The following EYA3 variants were observed in gnomAD, a reference collection of about 807,000 sequenced individuals.
EYA3 encodes the protein protein phosphatase EYA3.
A neutral mutation model predicts 80.0 loss-of-function variants in EYA3; 39 were observed. The observed-to-expected ratio is 0.49, with a 90% CI of 0.38 to 0.64. The LOEUF is 0.64. Among genes scored for constraint, EYA3 ranks in the 30% least tolerant of loss-of-function variants. The pLI, the probability that EYA3 is intolerant of heterozygous loss-of-function variation, is 0.00. For synonymous variants in EYA3, 206 were observed against 232.8 expected, an observed-to-expected ratio of 0.88 and a Z score of 1.05; for missense variants, 523 against 676.1, an observed-to-expected ratio of 0.77 and a Z score of 2.51.
chr1:28,080,410 T>C (rs890887395), intron 1 of EYA3, among the ~76,000 whole-genome samples: 7 of 152,152 alleles, frequency 4.6e-5, no homozygotes, highest in Non-Finnish European at 7.3e-5. Context: ...TGAGCCGTGA[T>C]AGCGTCACTA....
intron 2 of EYA3, among the ~76,000 whole-genome samples, chr1:28,050,836 T>C (rs1378120800): frequency 2.6e-5 from 4 of 152,156 alleles, no homozygotes; most frequent in Non-Finnish European, 4.4e-5. Context: ...TACTCAATTA[T>C]AGAAGTATCA....
At chr1:27,994,412 T>C (rs973949398) in intron 13 of EYA3, among the ~76,000 whole-genome samples, 1 of 152,110 alleles carries the variant, frequency 6.6e-6, no homozygotes, top group Non-Finnish European at 1.5e-5. Context: ...GAGAACTACC[T>C]CTGGGGCTGA....
At position 27,971,605 on chromosome 1, in the gene EYA3, C is replaced by CAAAAAAAAAAAAAAAAAAA. The variant is rs1288104458; in HGVS notation, c.*2842_*2860dup. 1.8e-5 allele frequency: 1 copy of CAAAAAAAAAAAAAAAAAAA among 56,712 alleles called. No homozygotes were observed. 3.5% of individuals were successfully genotyped at this position (56,712 alleles called of 1,614,324 possible). A position where few individuals can be genotyped will look rare whatever the true frequency, so the allele number is the denominator to read the frequency against. The stretch of plus-strand genomic sequence containing the variant: ...CGAGACTCCATCTCAACAACAACAA[C>CAAAAAAAAAAAAAAAAAAA]AAAAAAAAAAAAAAAAAAAAAAAGA... On this transcript the variant is annotated 3_prime_UTR_variant, in exon 18 of 18. Transcript: ENST00000373871.
At chr1:28,019,977 C>T (rs1001799787) in intron 7 of EYA3, among the ~76,000 whole-genome samples, 9 of 152,154 alleles carry the variant, frequency 5.9e-5, no homozygotes, top group African/African-American at 2.2e-4. Context: ...GCTGGGATTA[C>T]AGGCATGAGC....
intron 1 of EYA3, among the ~76,000 whole-genome samples, chr1:28,076,037 G>A (rs1349606150): frequency 2.6e-5 from 4 of 152,180 alleles, no homozygotes; most frequent in African/African-American, 4.8e-5. Context: ...CCTTTAGTGT[G>A]ATCCTAAGAG....
At position 28,064,374 on chromosome 1, in the gene EYA3, CTCTCTATA is replaced by C. The variant is rs143307902; in HGVS notation, c.-68-6288_-68-6281del. Among the ~76,000 whole-genome samples, 807 of 116,018 alleles carry C rather than the reference CTCTCTATA, an allele frequency of 7.0e-3. 8 individuals are homozygous for C. The highest frequency in any genetic ancestry group is 0.023 in the African/African-American group (735 of 31,618). 76.1% of individuals were successfully genotyped at this position (116,018 alleles called of 152,430 possible). ...AGCAAGCCATCCTCTCTCTCTCTCT[CTCTCTATA>C]TATATATATATAAATATATAGAGCC... On this transcript the variant is annotated intron_variant, in intron 1 of 17. Transcript: ENST00000373871.
intron 1 of EYA3, among the ~76,000 whole-genome samples, chr1:28,063,309 T>A (rs1004426856): frequency 7.3e-5 from 11 of 149,916 alleles, no homozygotes; most frequent in South Asian, 2.1e-4. Context: ...ATATATATTT[T>A]TTTTTATTTT....
chr1:27,993,406 CG>C lies in EYA3; in HGVS notation c.1296del (p.Asn432LysfsTer17). 1 of 1,613,248 alleles carries C rather than the reference CG, an allele frequency of 6.2e-7. No individual in the cohort carries two copies. The highest frequency in any genetic ancestry group is 8.5e-7 in the Non-Finnish European group (1 of 1,179,700). ...GGTTATATGCCACACTTACCACCCA[CG>C]TTGCTTTTATGCTTATCATAGATTT... is the stretch of plus-strand genomic sequence containing the variant. ...VREIYDKHKS[N>X]VGGLLSPQRK... On this transcript the variant is annotated frameshift_variant, in exon 14 of 18. Transcript: ENST00000373871. LOFTEE classifies it high-confidence loss of function.
At chr1:28,001,191 T>C (rs548248627) in intron 11 of EYA3, among the ~76,000 whole-genome samples, 130 of 148,686 alleles carry the variant, frequency 8.7e-4, no homozygotes, top group African/African-American at 2.9e-3. Flanking sequence ...TATGTAAATA[T>C]ATTCACATAT....
intron 6 of EYA3, among the ~76,000 whole-genome samples, chr1:28,029,023 T>A (rs6671101): frequency 6.6e-6 from 1 of 152,086 alleles, no homozygotes; most frequent in Non-Finnish European, 1.5e-5. Context: ...AGCCAAGGAC[T>A]GTGTTATACA....
At chr1:28,080,422 G>A (rs1018131340) in intron 1 of EYA3, among the ~76,000 whole-genome samples, 3 of 152,076 alleles carry the variant, frequency 2.0e-5, no homozygotes, top group African/African-American at 7.2e-5. Flanking sequence ...GCGTCACTAC[G>A]CTTCAGCCCA....
intron 2 of EYA3, among the ~76,000 whole-genome samples, chr1:28,055,360 A>G (rs1321807437): frequency 1.3e-5 from 2 of 152,190 alleles, no homozygotes; most frequent in Admixed American, 6.5e-5. Flanking sequence ...TAGTAATATA[A>G]CAAAGTTATT....
rs1230366094 is a variant in EYA3, at chr1:28,000,039, A to G, written c.1004T>C (p.Val335Ala). ...CATTGTTAAACCTGAGCCAATCACT[A>G]CTGTTGGGTCCTAGAAGACAATAAG... ...YAQKYGKDPT[V>A]VIGSGLTMEE... Residue 335 changes from valine (V) to alanine (A), a missense_variant, in exon 12 of 18, where the codon GTA (valine) becomes GCA (alanine). By Grantham distance (64) the Val-to-Ala change is moderately conservative (BLOSUM62 0). Around this residue, in one of 2 missense-constraint regions of EYA3, gnomAD observed 219 missense variants for 332.8 expected, o/e 0.66. Transcript: ENST00000373871. The G allele has an allele frequency of 6.2e-7, 1 of 1,607,262 alleles. No individual in the cohort carries two copies. The highest frequency in any genetic ancestry group is 2.2e-5 in the East Asian group (1 of 44,530).
chr1:28,066,840 A>G (rs1644852115), intron 1 of EYA3, among the ~76,000 whole-genome samples: 1 of 152,220 alleles, frequency 6.6e-6, no homozygotes, highest in Non-Finnish European at 1.5e-5. Flanking sequence ...ATCTATTATT[A>G]GGGAGCAAAC....
At chr1:27,999,385 A>C (rs1640672330) in intron 12 of EYA3, among the ~76,000 whole-genome samples, 1 of 152,158 alleles carries the variant, frequency 6.6e-6, no homozygotes, top group African/African-American at 2.4e-5. Context: ...TCAAATGTCA[A>C]AGCCAAAAAA....
At chr1:28,018,912 C>A (rs1278475967) in intron 7 of EYA3, among the ~76,000 whole-genome samples, 1 of 152,042 alleles carries the variant, frequency 6.6e-6, no homozygotes, top group African/African-American at 2.4e-5. Context: ...ACGCCTGTAA[C>A]CCCAGCACTT....
At chr1:28,036,889 A>G (rs1643486205) in intron 5 of EYA3, among the ~76,000 whole-genome samples, 1 of 152,170 alleles carries the variant, frequency 6.6e-6, no homozygotes, top group South Asian at 2.1e-4. Flanking sequence ...AAAATGAAGA[A>G]AGGCCATAAA....
intron 4 of EYA3, among the ~76,000 whole-genome samples, chr1:28,042,347 C>T (rs974378081): frequency 2.0e-5 from 3 of 152,132 alleles, no homozygotes; most frequent in Admixed American, 6.5e-5. Context: ...AAAATCACGG[C>T]GTGTGACTCC....
chr1:28,066,349 A>G (rs1644837284), intron 1 of EYA3, among the ~76,000 whole-genome samples: 2 of 152,222 alleles, frequency 1.3e-5, no homozygotes, highest in Admixed American at 1.3e-4. Context: ...AAAAATGGTT[A>G]AAACAGTTAA....
Sources: allele counts gnomAD v4.1 joint callset (sites outside exome capture counted in the v4.1 genomes callset), GRCh38; gene constraint gnomAD v4.1.1; regional missense constraint gnomAD v4.1.1; transcripts MANE v1.5; gene names NCBI Gene and HGNC (gene_info 2026-07-23, HGNC 2026-07-21).